LINGO2: variants seen among roughly 807,000 people sequenced by gnomAD.
The protein encoded by LINGO2 is leucine-rich repeat and immunoglobulin-like domain-containing nogo receptor-interacting protein 2.
Under a neutral mutation model 30.6 loss-of-function variants are expected in LINGO2, and 14 were observed. The observed-to-expected ratio is 0.46, with a 90% CI of 0.30 to 0.72. The LOEUF is 0.72. Among genes scored for constraint, LINGO2 ranks in the 30% least tolerant of loss-of-function variants. LINGO2 has a pLI of 0.07. For synonymous variants in LINGO2, 317 were observed against 288.5 expected, an observed-to-expected ratio of 1.10 and a Z score of -1.00; for missense variants, 729 against 751.7, an observed-to-expected ratio of 0.97 and a Z score of 0.35.
intron 3 of LINGO2, among the ~76,000 whole-genome samples, chr9:28,353,428 A>G (rs1166902298): frequency 6.6e-6 from 1 of 151,604 alleles, no homozygotes; most frequent in Non-Finnish European, 1.5e-5. Flanking sequence ...GCCATCAGAG[A>G]AATGCAAATC....
At chr9:28,030,843 AAGC>A (rs58258319) in intron 4 of LINGO2, among the ~76,000 whole-genome samples, 21,020 of 152,094 alleles carry the variant, frequency 0.14, 1,613 homozygotes, top group South Asian at 0.25. Context: ...AAAACAAAAA[AAGC>A]AGACAAAGAT....
chr9:28,762,883 G>A, the LINGO2 span, among the ~76,000 whole-genome samples: 1 of 152,026 alleles, frequency 6.6e-6, no homozygotes, highest in East Asian at 1.9e-4. Context: ...AGAAAGGAAG[G>A]AAAGAAGAAA....
At chr9:28,491,631 A>G (rs1437218463) in intron 1 of LINGO2, among the ~76,000 whole-genome samples, 1 of 152,202 alleles carries the variant, frequency 6.6e-6, no homozygotes, top group Non-Finnish European at 1.5e-5. Flanking sequence ...ACCTAATTAA[A>G]CATTTAAAAT....
intron 2 of LINGO2, among the ~76,000 whole-genome samples, chr9:28,402,583 C>G (rs1038388471): frequency 1.3e-5 from 2 of 151,806 alleles, no homozygotes; most frequent in African/African-American, 4.8e-5. Flanking sequence ...TTCCCTCTCC[C>G]TCCTTCCCTC....
chr9:28,649,043 C>T (rs1291458289), intron 1 of LINGO2, among the ~76,000 whole-genome samples: 1 of 152,092 alleles, frequency 6.6e-6, no homozygotes, highest in Non-Finnish European at 1.5e-5. Context: ...ATAAGTGTGT[C>T]CTATTTCAAC....
intron 4 of LINGO2, among the ~76,000 whole-genome samples, chr9:28,266,970 A>T (rs2134070726): frequency 6.6e-6 from 1 of 152,142 alleles, no homozygotes; most frequent in South Asian, 2.1e-4. Flanking sequence ...CTGTCACCAA[A>T]GTACAGAGGA....
At chr9:29,049,560 A>G in the LINGO2 span, among the ~76,000 whole-genome samples, 3 of 152,210 alleles carry the variant, frequency 2.0e-5, no homozygotes, top group African/African-American at 4.8e-5. Flanking sequence ...GTGTCCATCA[A>G]CAGATAAATG....
At position 28,130,643 on chromosome 9, in the gene LINGO2, TATA is replaced by T. The variant is rs1827355123; in HGVS notation, c.-86-118241_-86-118239del. 6.6e-6 allele frequency among the ~76,000 whole-genome samples: 1 copy of T among 152,086 alleles called. No homozygotes were observed. Among genetic ancestry groups the T allele is most frequent in the Non-Finnish European group, 1.5e-5 (1 of 68,008 alleles). On this transcript the variant is annotated intron_variant, in intron 4 of 5. Transcript: ENST00000379992. The surrounding 1 kb of genome is among the most constrained non-coding windows in gnomAD (Gnocchi z 5.2). Reference sequence around the variant, plus strand: ...GCACATCATAAAAGTCATTAATAAATATAATAATAGTGTCATGGTATGGAAGCC... The same window carrying T: ...GCACATCATAAAAGTCATTAATAAATATAATAGTGTCATGGTATGGAAGCC...
At chr9:28,848,399 A>ATATG in the LINGO2 span, among the ~76,000 whole-genome samples, 39 of 33,806 alleles carry the variant, frequency 1.2e-3, no homozygotes, top group Admixed American at 3.4e-3. Flanking sequence ...GTGTGTGTGT[A>ATATG]TATATATATA....
intron 1 of LINGO2, among the ~76,000 whole-genome samples, chr9:28,594,726 T>C (rs566636215): frequency 1.7e-4 from 26 of 152,190 alleles, no homozygotes; most frequent in Non-Finnish European, 2.2e-4. Flanking sequence ...AAGCTTAGCG[T>C]GGAAAACATA....
chr9:28,728,245 T>G, the LINGO2 span, among the ~76,000 whole-genome samples: 1 of 151,894 alleles, frequency 6.6e-6, no homozygotes, highest in Admixed American at 6.6e-5. Flanking sequence ...CACAACCCCC[T>G]CCCCTTCACT....
At chr9:28,277,565 A>G (rs1823160073) in intron 4 of LINGO2, among the ~76,000 whole-genome samples, 2 of 152,124 alleles carry the variant, frequency 1.3e-5, no homozygotes, top group Admixed American at 1.3e-4. Context: ...GCACTCTGGG[A>G]GGCTGAGGTG....
chr9:28,530,158 G>C (rs1419730769), intron 1 of LINGO2, among the ~76,000 whole-genome samples: 1 of 151,982 alleles, frequency 6.6e-6, no homozygotes, highest in Non-Finnish European at 1.5e-5. Context: ...TGGCATATGA[G>C]ATGAGAAATC....
the LINGO2 span, among the ~76,000 whole-genome samples, chr9:28,900,739 G>A: frequency 6.6e-6 from 1 of 152,164 alleles, no homozygotes; most frequent in African/African-American, 2.4e-5. Flanking sequence ...CTTCAAATGT[G>A]AAGGTAACAA....
At position 28,148,556 on chromosome 9, in the gene LINGO2, C is replaced by T; in HGVS notation, c.-86-136151G>A. On this transcript the variant is annotated intron_variant, in intron 4 of 5. Transcript: ENST00000379992. The surrounding 1 kb of genome is among the most constrained non-coding windows in gnomAD (Gnocchi z 5.1). ...GGAAGCAGCTTCCACCTCTAGGCCC[C>T]TGGAGACTCAGGGAAACTTCACTTC... The T allele has an allele frequency of 6.7e-7, 1 of 1,495,672 alleles. No homozygotes were observed. The highest frequency in any genetic ancestry group is 9.0e-7 in the Non-Finnish European group (1 of 1,111,458). 92.7% of individuals were successfully genotyped at this position (1,495,672 alleles called of 1,614,324 possible).
At chr9:28,503,885 C>A (rs550225843) in intron 1 of LINGO2, among the ~76,000 whole-genome samples, 4 of 151,598 alleles carry the variant, frequency 2.6e-5, no homozygotes, top group Admixed American at 6.6e-5. Flanking sequence ...AAATAAAAAA[C>A]CAGACAGATT....
At chr9:27,948,869 G>A (rs1823474921) in exon 6 of LINGO2, 3 of 1,608,322 alleles carry the variant, frequency 1.9e-6, no homozygotes, top group Non-Finnish European at 2.5e-6. Context: ...TTTTCATGTT[G>A]AACCTCCTGG....
At chr9:28,269,968 C>T (rs569157513) in intron 4 of LINGO2, among the ~76,000 whole-genome samples, 1 of 152,158 alleles carries the variant, frequency 6.6e-6, no homozygotes, top group East Asian at 1.9e-4. Flanking sequence ...GAGTTAAGTG[C>T]CACTAGAGAA....
At position 27,978,458 on chromosome 9, in the gene LINGO2, C is replaced by T. The variant is rs146300347; in HGVS notation, c.-35-27752G>A. On this transcript the variant is annotated intron_variant, in intron 5 of 5. Transcript: ENST00000379992. The stretch of plus-strand genomic sequence containing the variant: ...GTGTTTAGGTCATGAGGGTGAAGTC[C>T]TAATGAATGGGTTTATTAGTGCCCT... Among the ~76,000 whole-genome samples the T allele has an allele frequency of 2.9e-3, 440 of 152,036 alleles. 4 individuals are homozygous for T. The highest frequency in any genetic ancestry group is 5.6e-3 in the Non-Finnish European group (378 of 67,936).
Sources: allele counts gnomAD v4.1 joint callset (sites outside exome capture counted in the v4.1 genomes callset), GRCh38; gene constraint gnomAD v4.1.1; non-coding constraint Gnocchi (gnomAD v3.1); transcripts MANE v1.5; gene names NCBI Gene and HGNC (gene_info 2026-07-23, HGNC 2026-07-21).